Variants in HIVEP3 observed in about 807,000 individuals in gnomAD.
HIVEP3 encodes transcription factor HIVEP3.
Under a neutral mutation model 152.8 loss-of-function variants are expected in HIVEP3, and 49 were observed. The observed-to-expected ratio is 0.32, with a 90% CI of 0.26 to 0.41. The LOEUF is 0.41. Among genes scored for constraint, HIVEP3 ranks in the 10% least tolerant of loss-of-function variants. The pLI is 1.00. For missense variants in HIVEP3, 2,790 were observed against 3,103.3 expected (o/e 0.90, Z 2.40); for synonymous variants, 1,269 against 1,289.0 (o/e 0.98, Z 0.33).
At chr1:41,969,069 CA>C (rs2124502928) in intron 1 of HIVEP3, among the ~76,000 whole-genome samples, 1 of 152,304 alleles carries the variant, frequency 6.6e-6, no homozygotes, top group Non-Finnish European at 1.5e-5. Flanking sequence ...AGGACAAAAA[CA>C]GATGGAAAAA....
At position 41,700,577 on chromosome 1, in the gene HIVEP3, T is replaced by C. The variant is rs530324433; in HGVS notation, c.-721+339A>G. Among the ~76,000 whole-genome samples, 6 of 152,176 alleles carry C rather than the reference T, an allele frequency of 3.9e-5. No homozygotes were observed. The South Asian group carries it at 1.2e-3, about 32-fold the overall frequency. On this transcript the variant is annotated intron_variant, in intron 2 of 8. Coordinates refer to ENST00000372583, the MANE Select transcript of HIVEP3 (RefSeq NM_024503.5). Reference sequence around the variant, plus strand: ...CCCTGCTGGGTTCACCGAGTCCCACTCCCTCACTTTGCAGACAAGGAAACA... The same window carrying C: ...CCCTGCTGGGTTCACCGAGTCCCACCCCCTCACTTTGCAGACAAGGAAACA...
At chr1:41,552,333 C>T (rs917528359) in intron 5 of HIVEP3, among the ~76,000 whole-genome samples, 1 of 150,024 alleles carries the variant, frequency 6.7e-6, no homozygotes, top group African/African-American at 2.5e-5. Context: ...CGTCATCTAG[C>T]ATTAGGTATA....
intron 3 of HIVEP3, among the ~76,000 whole-genome samples, chr1:41,604,740 C>A (rs1644793299): frequency 6.6e-6 from 1 of 152,058 alleles, no homozygotes; most frequent in African/African-American, 2.4e-5. Context: ...TACTAGCAGC[C>A]TAAGACATAC....
intron 1 of HIVEP3, among the ~76,000 whole-genome samples, chr1:41,803,652 C>A (rs1394094569): frequency 2.0e-5 from 3 of 152,240 alleles, no homozygotes; most frequent in African/African-American, 7.2e-5. Context: ...TGCAGACATT[C>A]CCTCCACGTG....
At chr1:41,942,335 AT>A (rs1165064300) in intron 1 of HIVEP3, among the ~76,000 whole-genome samples, 4 of 152,282 alleles carry the variant, frequency 2.6e-5, no homozygotes, top group African/African-American at 7.2e-5. Flanking sequence ...TGGCCTCCAC[AT>A]TTAAAGTTGT....
chr1:41,917,038 T>C (rs979180822), intron 1 of HIVEP3, among the ~76,000 whole-genome samples: 1 of 152,202 alleles, frequency 6.6e-6, no homozygotes, highest in African/African-American at 2.4e-5. Flanking sequence ...ACACGATCAC[T>C]GACCTGTATT....
intron 2 of HIVEP3, among the ~76,000 whole-genome samples, chr1:41,697,009 C>T (rs564381276): frequency 1.6e-4 from 24 of 152,252 alleles, no homozygotes; most frequent in African/African-American, 4.1e-4. Context: ...TACATTTATA[C>T]GGCTGGCTGG....
intron 1 of HIVEP3, among the ~76,000 whole-genome samples, chr1:41,931,934 GC>G (rs1014052638): frequency 5.3e-5 from 8 of 150,546 alleles, no homozygotes; most frequent in Middle Eastern, 6.8e-3. Context: ...AAATCTTTTT[GC>G]CTTTTTTTTT....
chr1:41,573,449 T>G (rs35838395), intron 5 of HIVEP3, among the ~76,000 whole-genome samples: 2,049 of 152,242 alleles, frequency 0.013, 61 homozygotes, highest in African/African-American at 0.046. Flanking sequence ...TGGTCCCAGC[T>G]TGAGATAGCC....
At chr1:42,033,326 T>A (rs1277106683) in intron 1 of HIVEP3, among the ~76,000 whole-genome samples, 1 of 152,172 alleles carries the variant, frequency 6.6e-6, no homozygotes, top group Non-Finnish European at 1.5e-5. Context: ...TAATTGTCTT[T>A]TTTTTTAATT....
chr1:41,875,564 G>A (rs1644155646), intron 1 of HIVEP3, among the ~76,000 whole-genome samples: 1 of 152,358 alleles, frequency 6.6e-6, no homozygotes, highest in African/African-American at 2.4e-5. Context: ...ACTCCTTGCT[G>A]ACTTTTGAGA....
intron 1 of HIVEP3, among the ~76,000 whole-genome samples, chr1:41,706,381 A>G (rs1203936861): frequency 1.3e-5 from 2 of 152,200 alleles, no homozygotes; most frequent in African/African-American, 4.8e-5. Flanking sequence ...TCCCAGGTTC[A>G]AGAAATTTTC....
chr1:41,723,667 G>T (rs1367994326), intron 1 of HIVEP3, among the ~76,000 whole-genome samples: 1 of 152,200 alleles, frequency 6.6e-6, no homozygotes, highest in Non-Finnish European at 1.5e-5. Flanking sequence ...AGTAGCAAGT[G>T]CCCAGAGCTT....
intron 1 of HIVEP3, among the ~76,000 whole-genome samples, chr1:41,991,741 A>T (rs1366101485): frequency 1.3e-5 from 2 of 149,812 alleles, no homozygotes; most frequent in Non-Finnish European, 3.0e-5. Flanking sequence ...TTGATGCAAA[A>T]ATCCTCAATA....
At chr1:42,020,525 T>C (rs1486505277) in intron 1 of HIVEP3, among the ~76,000 whole-genome samples, 1 of 152,192 alleles carries the variant, frequency 6.6e-6, no homozygotes, top group Non-Finnish European at 1.5e-5. Context: ...TTATTAAGCA[T>C]ACATCTTCTC....
At chr1:41,751,081 T>G in intron 1 of HIVEP3, among the ~76,000 whole-genome samples, 1 of 152,086 alleles carries the variant, frequency 6.6e-6, no homozygotes, top group Non-Finnish European at 1.5e-5. Flanking sequence ...AAACCCGAAG[T>G]TCATGTCTAG....
At chr1:41,612,654 G>T (rs1235825191) in intron 3 of HIVEP3, among the ~76,000 whole-genome samples, 1 of 152,170 alleles carries the variant, frequency 6.6e-6, no homozygotes, top group Non-Finnish European at 1.5e-5. Flanking sequence ...TCCTGCCTAG[G>T]ATCAGACTCA....
At chr1:41,802,953 T>C (rs184515332) in intron 1 of HIVEP3, among the ~76,000 whole-genome samples, 2 of 152,294 alleles carry the variant, frequency 1.3e-5, no homozygotes, top group Admixed American at 1.3e-4. Context: ...TCAAACACGC[T>C]CAGAAACCCT....
At chr1:41,560,481 G>A (rs1535505) in intron 5 of HIVEP3, among the ~76,000 whole-genome samples, 42,373 of 152,086 alleles carry the variant, frequency 0.28, 7,284 homozygotes, top group Non-Finnish European at 0.4. Context: ...CAGCACTCCC[G>A]AGAAGCACCT....
Sources: allele counts gnomAD v4.1 joint callset (sites outside exome capture counted in the v4.1 genomes callset), GRCh38; gene constraint gnomAD v4.1.1; transcripts MANE v1.5; gene names NCBI Gene and HGNC (gene_info 2026-07-23, HGNC 2026-07-21).